The following BOP1 variants were observed in gnomAD, a reference collection of about 807,000 sequenced individuals.
BOP1 encodes the protein ribosome biogenesis protein BOP1.
A neutral mutation model predicts 82.9 loss-of-function variants in BOP1; 54 were observed. That is an observed-to-expected ratio of 0.65 (90% CI 0.52 to 0.82). BOP1 has a LOEUF of 0.82. Ranked by LOEUF, BOP1 falls within the 40% of genes least tolerant of loss-of-function variation. The pLI is 0.00. For missense variants in BOP1, 1,170 were observed against 1,072.0 expected, an observed-to-expected ratio of 1.09 and a Z score of -1.28; for synonymous variants, 566 against 451.1, an observed-to-expected ratio of 1.25 and a Z score of -3.23.
intron 14 of BOP1, 30 bp from the exon 15 acceptor site, chr8:144,262,533 G>A: frequency 2.5e-6 from 4 of 1,612,788 alleles, no homozygotes; most frequent in Non-Finnish European, 2.5e-6. Flanking sequence ...TTGAAGGCAG[G>A]CTCGGGCTGA....
Position 144,263,308 on chromosome 8 carries a change from C to T in BOP1, c.1518G>A (p.Glu506=). 6.3e-7 allele frequency: 1 copy of T among 1,594,152 alleles called. No individual in the cohort carries two copies. Among genetic ancestry groups the T allele is most frequent in the Non-Finnish European group, 8.5e-7 (1 of 1,178,854 alleles). The change falls in exon 12 of 16, where the codon GAG becomes GAA. Residue 506 remains glutamate, a synonymous_variant. Coordinates refer to ENST00000569669, the MANE Select transcript of BOP1 (RefSeq NM_015201.5). ...DQLLSAFVPP[E]EPPLQPARWL... is the part of the protein sequence containing the mutation. ...AGCGGGCCGGCTGCAAGGGGGGCTC[C>T]TCAGGCGGGACGAAGGCGCTCAACA...
chr8:144,264,174 G>A lies in BOP1; in HGVS notation c.979-32C>T, dbSNP rs1349571826. ...AGACCAAGACACAGGGGTGGGGAGG[G>A]TCACAGGGAAGCATGGGGACAGGGT... On this transcript the variant is annotated intron_variant, in intron 7 of 15. Coordinates refer to ENST00000569669, the MANE Select transcript of BOP1 (RefSeq NM_015201.5). 8.7e-6 allele frequency: 14 copies of A among 1,609,910 alleles called. 1 individual carries two copies. The highest frequency in any genetic ancestry group is 2.7e-5 in the African/African-American group (2 of 74,860).
At chr8:144,285,979 T>C (rs1430763718) in intron 2 of BOP1, among the ~76,000 whole-genome samples, 1 of 152,212 alleles carries the variant, frequency 6.6e-6, no homozygotes, top group Non-Finnish European at 1.5e-5. Flanking sequence ...GTGGCCACGC[T>C]CATGGAAGCC....
chr8:144,281,509 G>C lies in BOP1; in HGVS notation c.310-5205C>G, dbSNP rs199895692. ...ATACCAGGTCTTTGGCCTTCCCTCA[G>C]TTTAATACCAGGTCTTCGGCCTTCC... On this transcript the variant is annotated intron_variant, in intron 2 of 15. Transcript: ENST00000569669. Among the ~76,000 whole-genome samples the C allele has an allele frequency of 2.1e-3, 12 of 5,652 alleles. 2 individuals are homozygous for C. The highest frequency in any genetic ancestry group is 5.6e-3 in the Admixed American group (3 of 534). The allele number at this position is 5,652 out of a possible 152,430, so 3.7% of individuals were successfully genotyped here.
chr8:144,264,532 G>C lies in BOP1; in HGVS notation c.748C>G (p.Leu250Val), dbSNP rs1845312227. The change falls in exon 6 of 16, where the codon CTG (leucine) becomes GTG (valine). Residue 250 changes from leucine to valine, a missense_variant. Leu to Val is a conservative substitution (Grantham distance 32). Transcript: ENST00000569669. ...TGCCCCACCTTCTCCTTCTCCACCA[G>C]GGAGGGGATGAAGCTGCGCTTGTCG... Reference protein sequence around the residue: ...PADKRSFIPSLVEKEKVSRMV... With the variant: ...PADKRSFIPSVVEKEKVSRMV... The C allele has an allele frequency of 5.0e-6, 8 of 1,610,332 alleles. No individual in the cohort carries two copies. The highest frequency in any genetic ancestry group is 2.7e-5 in the African/African-American group (2 of 74,880).
intron 2 of BOP1, among the ~76,000 whole-genome samples, chr8:144,288,642 G>A (rs187117505): frequency 6.6e-6 from 1 of 152,346 alleles, no homozygotes; most frequent in East Asian, 1.9e-4. Context: ...CGCTGCAACA[G>A]GTACAATGTT....
intron 3 of BOP1, 74 bp from the exon 4 acceptor site, chr8:144,265,145 AG>A: frequency 6.5e-7 from 1 of 1,548,554 alleles, no homozygotes; most frequent in Non-Finnish European, 8.7e-7. Context: ...CCAGGGGAGC[AG>A]GTGAGGGGGT....
intron 10 of BOP1, 30 bp downstream of exon 10, chr8:144,263,662 A>C (rs951666079): frequency 7.6e-5 from 122 of 1,597,660 alleles, no homozygotes; most frequent in Non-Finnish European, 1.0e-4. Context: ...CCTGCCCCCC[A>C]GCTCAAGGCT....
At chr8:144,283,238 G>A (rs1192993471) in intron 2 of BOP1, among the ~76,000 whole-genome samples, 2 of 117,050 alleles carry the variant, frequency 1.7e-5, no homozygotes, top group East Asian at 4.6e-4. Flanking sequence ...AAGGCTCCAT[G>A]GTTTGGGGCA....
intron 1 of BOP1, 37 bp from the exon 2 acceptor site, chr8:144,289,341 C>G (rs1218010896): frequency 1.3e-6 from 2 of 1,598,254 alleles, no homozygotes; most frequent in African/African-American, 2.7e-5. Context: ...AACTGCCCCT[C>G]CAGGCATGGG....
intron 3 of BOP1, among the ~76,000 whole-genome samples, chr8:144,271,692 G>A (rs931034035): frequency 6.6e-6 from 1 of 151,904 alleles, no homozygotes; most frequent in African/African-American, 2.4e-5. Context: ...GGGCCAGAGG[G>A]GAGAAAGCCA....
rs547532587 is a variant in BOP1, at chr8:144,287,529, TCTTG to T, written c.309+1562_309+1565del. Among the ~76,000 whole-genome samples, 76 of 150,680 alleles carry T rather than the reference TCTTG, an allele frequency of 5.0e-4. No homozygotes were observed. In the South Asian group the frequency reaches 0.016, roughly 31 times the overall value. Reference sequence around the variant, plus strand: ...CTCATAATTTTTTTTTGAAACAGGGTCTTGCTTGTCACCCAGGCTGGAGTGCAGT... The same window carrying T: ...CTCATAATTTTTTTTTGAAACAGGGTCTTGTCACCCAGGCTGGAGTGCAGT... On this transcript the variant is annotated intron_variant, in intron 2 of 15. Coordinates refer to ENST00000569669, the MANE Select transcript of BOP1 (RefSeq NM_015201.5).
intron 3 of BOP1, chr8:144,265,329 C>T: frequency 1.7e-6 from 1 of 583,566 alleles, no homozygotes; most frequent in Non-Finnish European, 3.1e-6. Flanking sequence ...GTGCCAACCC[C>T]AGAGCTCCCC....
intron 2 of BOP1, among the ~76,000 whole-genome samples, chr8:144,285,419 G>A (rs549863996): frequency 1.2e-4 from 18 of 152,342 alleles, no homozygotes; most frequent in Middle Eastern, 6.8e-3. Context: ...AGGAAACAGC[G>A]ACAGGAGGGA....
intron 2 of BOP1, 84 bp from the exon 3 acceptor site, chr8:144,276,388 C>A: frequency 6.8e-7 from 1 of 1,477,296 alleles, no homozygotes; most frequent in East Asian, 2.4e-5. Context: ...GCCCACCACC[C>A]CGAAATCTCT....
At chr8:144,286,742 G>A (rs782359430) in intron 2 of BOP1, among the ~76,000 whole-genome samples, 6 of 152,326 alleles carry the variant, frequency 3.9e-5, no homozygotes, top group South Asian at 2.1e-4. Context: ...CAGCCCGGCC[G>A]GCCTTGCCAC....
At chr8:144,272,870 G>A (rs1380378794) in intron 3 of BOP1, among the ~76,000 whole-genome samples, 1 of 152,196 alleles carries the variant, frequency 6.6e-6, no homozygotes, top group East Asian at 1.9e-4. Context: ...AGGGGCACGC[G>A]GCAGTCAGGC....
At chr8:144,286,511 G>A (rs1264420934) in intron 2 of BOP1, among the ~76,000 whole-genome samples, 1 of 128,896 alleles carries the variant, frequency 7.8e-6, no homozygotes, top group East Asian at 2.3e-4. Flanking sequence ...CACAGGACAC[G>A]CGGGCAGGTG....
intron 1 of BOP1, 78 bp from the exon 2 acceptor site, chr8:144,289,382 C>A: frequency 6.7e-7 from 1 of 1,482,538 alleles, no homozygotes; most frequent in Non-Finnish European, 9.2e-7. Context: ...AGCTGCCTCT[C>A]GCCCCTCCAG....
Sources: allele counts gnomAD v4.1 joint callset (sites outside exome capture counted in the v4.1 genomes callset), GRCh38; gene constraint gnomAD v4.1.1; transcripts MANE v1.5; gene names NCBI Gene and HGNC (gene_info 2026-07-23, HGNC 2026-07-21).